The following MLIP variants were observed in gnomAD, a reference collection of about 807,000 sequenced individuals.
MLIP encodes the protein muscular LMNA interacting protein.
Under a neutral mutation model 84.8 loss-of-function variants are expected in MLIP, and 79 were observed. The ratio of observed to expected loss-of-function variants is 0.93; its 90% CI spans 0.78 to 1.12. The LOEUF (loss-of-function observed/expected upper bound fraction) is 1.12. Among genes scored for constraint, MLIP ranks in the 50% most tolerant of loss-of-function variants. The pLI is 0.00. For synonymous variants in MLIP, 504 were observed against 463.0 expected, an observed-to-expected ratio of 1.09 and a Z score of -1.14; for missense variants, 1,257 against 1,160.6, an observed-to-expected ratio of 1.08 and a Z score of -1.21.
chr6:54,127,586 A>G (rs1771027943), intron 3 of MLIP, among the ~76,000 whole-genome samples: 1 of 152,136 alleles, frequency 6.6e-6, no homozygotes, highest in South Asian at 2.1e-4. Context: ...CTATTTAGAT[A>G]CATGTCTTAT....
At chr6:54,106,087 C>T (rs1408118661) in intron 1 of MLIP, among the ~76,000 whole-genome samples, 2 of 152,042 alleles carry the variant, frequency 1.3e-5, no homozygotes, top group Non-Finnish European at 2.9e-5. Flanking sequence ...GGGAGTGCTC[C>T]CAGGAGCAAT....
rs1293901426 is a variant in MLIP at position 54,149,122 on chromosome 6, C to G, written c.2284C>G (p.Gln762Glu). 1.2e-6 allele frequency: 2 copies of G among 1,612,286 alleles called. No individual in the cohort carries two copies. Residue 762 changes from glutamine (Q) to glutamate (E), a missense_variant, in exon 5 of 14, where the codon CAG (glutamine) becomes GAG (glutamate). Transcript: ENST00000502396. ...CCCTACAAACACATTGCTTTTGGAACAGAAGGTCAGTGTTGGCTCAAAAAC... is the reference window on the plus strand; with the variant it reads ...CCCTACAAACACATTGCTTTTGGAAGAGAAGGTCAGTGTTGGCTCAAAAAC... ...AIPTNTLLLEQKALDEPAKTE... is the reference protein window; with the variant it reads ...AIPTNTLLLEEKALDEPAKTE...
intron 1 of MLIP, among the ~76,000 whole-genome samples, chr6:54,113,961 A>G (rs980904275): frequency 2.0e-5 from 3 of 152,176 alleles, no homozygotes; most frequent in Admixed American, 1.3e-4. Flanking sequence ...ATTCCTTGAG[A>G]GACTATCGAA....
chr6:54,062,476 A>T (rs867249489), intron 1 of MLIP, among the ~76,000 whole-genome samples: 2 of 152,206 alleles, frequency 1.3e-5, no homozygotes, highest in South Asian at 2.1e-4. Context: ...CCATCAAAGC[A>T]CCTTTAAAAT....
At chr6:54,156,238 A>G (rs1774016377) in intron 5 of MLIP, among the ~76,000 whole-genome samples, 1 of 152,104 alleles carries the variant, frequency 6.6e-6, no homozygotes, top group Admixed American at 6.6e-5. Flanking sequence ...AAAAAAATCA[A>G]TTCTAGTAAA....
chr6:54,047,817 T>G (rs1412119475), intron 1 of MLIP, among the ~76,000 whole-genome samples: 2 of 152,238 alleles, frequency 1.3e-5, no homozygotes, highest in Non-Finnish European at 2.9e-5. Context: ...CATTTAATCC[T>G]TACAGCAATG....
chr6:54,081,215 C>T (rs1767124511), intron 1 of MLIP, among the ~76,000 whole-genome samples: 1 of 152,106 alleles, frequency 6.6e-6, no homozygotes, highest in Admixed American at 6.6e-5. Flanking sequence ...GGAGGTGTTA[C>T]CTTCACAACC....
intron 1 of MLIP, among the ~76,000 whole-genome samples, chr6:54,019,860 G>A (rs1378738213): frequency 1.3e-5 from 2 of 152,124 alleles, no homozygotes; most frequent in Admixed American, 6.6e-5. Context: ...GAGGTTTATG[G>A]ACTATTCAAG....
At chr6:54,232,212 A>G (rs2150808522) in intron 12 of MLIP, among the ~76,000 whole-genome samples, 1 of 152,258 alleles carries the variant, frequency 6.6e-6, no homozygotes, top group Middle Eastern at 3.4e-3. Context: ...AATAATTCTG[A>G]TAATACTATT....
chr6:54,062,632 CA>C (rs1766031679), intron 1 of MLIP, among the ~76,000 whole-genome samples: 1 of 152,170 alleles, frequency 6.6e-6, no homozygotes, highest in Non-Finnish European at 1.5e-5. Context: ...AGGTGAGGAA[CA>C]GGGAATACTG....
At chr6:54,179,424 A>T (rs1238663236) in intron 9 of MLIP, among the ~76,000 whole-genome samples, 2 of 151,794 alleles carry the variant, frequency 1.3e-5, no homozygotes, top group Admixed American at 1.3e-4. Flanking sequence ...GTAGGGACTT[A>T]CCCCTGCCCT....
chr6:54,095,029 G>T (rs545478851), intron 1 of MLIP, among the ~76,000 whole-genome samples: 1 of 152,282 alleles, frequency 6.6e-6, no homozygotes, highest in Admixed American at 6.5e-5. Flanking sequence ...TCTGTAGATT[G>T]TGTGTCAACC....
intron 12 of MLIP, among the ~76,000 whole-genome samples, chr6:54,239,590 C>T (rs1482948991): frequency 6.7e-6 from 1 of 148,730 alleles, no homozygotes; most frequent in Non-Finnish European, 1.5e-5. Context: ...GACCAACATC[C>T]AACGTGGTGA....
intron 1 of MLIP, among the ~76,000 whole-genome samples, chr6:54,091,308 CA>C (rs1193995163): frequency 6.6e-6 from 1 of 152,104 alleles, no homozygotes; most frequent in African/African-American, 2.4e-5. Flanking sequence ...CATAAAATTA[CA>C]AAATTGATTT....
chr6:54,138,201 T>C lies in MLIP; in HGVS notation c.2132T>C (p.Leu711Pro). Residue 711 changes from leucine to proline, a missense_variant, in exon 4 of 14, where the codon CTT (leucine) becomes CCT (proline). Physicochemically the swap from Leu to Pro is moderately conservative, Grantham distance 98. Transcript: ENST00000502396. The stretch of plus-strand genomic sequence containing the variant: ...AGGTCACCTGTTTCAACCCCATCAC[T>C]TCCCATATCTCTAACAAGGACAGAG... ...NHRSPVSTPS[L>P]PISLTRTEEL... 6.5e-7 allele frequency: 1 copy of C among 1,536,094 alleles called. No individual in the cohort carries two copies. Among genetic ancestry groups the C allele is most frequent in the South Asian group, 1.2e-5 (1 of 84,068 alleles).
chr6:54,095,279 G>C (rs756239059), intron 1 of MLIP, among the ~76,000 whole-genome samples: 1 of 152,046 alleles, frequency 6.6e-6, no homozygotes, highest in Non-Finnish European at 1.5e-5. Context: ...TAAACATATT[G>C]GTCACAATTC....
intron 1 of MLIP, among the ~76,000 whole-genome samples, chr6:54,071,671 T>TA (rs1329339001): frequency 6.6e-6 from 1 of 152,202 alleles, no homozygotes; most frequent in Non-Finnish European, 1.5e-5. Flanking sequence ...AGTAAACATA[T>TA]AGATTGTCCC....
intron 1 of MLIP, among the ~76,000 whole-genome samples, chr6:54,076,369 G>C (rs1202494851): frequency 6.6e-6 from 1 of 152,102 alleles, no homozygotes; most frequent in Non-Finnish European, 1.5e-5. Context: ...ATTCAAACCA[G>C]ACTGATGTCT....
chr6:54,124,914 C>A, intron 3 of MLIP, 49 bp downstream of exon 3: 1 of 1,505,584 alleles, frequency 6.6e-7, no homozygotes, highest in Non-Finnish European at 8.9e-7. Context: ...AGCGTTTATG[C>A]ACCCTTTGTC....
Sources: gnomAD v4.1 joint callset for allele counts (sites outside exome capture counted in the v4.1 genomes callset) on GRCh38, gnomAD v4.1.1 for gene constraint, MANE v1.5 for transcripts, NCBI Gene and HGNC (gene_info 2026-07-23, HGNC 2026-07-21) for gene names.